ADK: variants seen among roughly 807,000 people sequenced by gnomAD.
ADK encodes adenosine kinase.
ADK carries 24 observed loss-of-function variants against 44.7 expected under a neutral mutation model. The observed-to-expected ratio is 0.54, with a 90% confidence interval of 0.39 to 0.76. The LOEUF is 0.76. Among genes scored for constraint, ADK ranks in the 30% least tolerant of loss-of-function variants. The pLI, the probability that ADK is intolerant of heterozygous loss-of-function variation, is 0.00. For synonymous variants in ADK, 128 were observed against 142.6 expected (o/e 0.90, Z 0.73); for missense variants, 321 against 425.1 (o/e 0.76, Z 2.15).
chr10:74,460,110 C>T (rs1564734654), intron 6 of ADK, among the ~76,000 whole-genome samples: 1 of 152,142 alleles, frequency 6.6e-6, no homozygotes. Flanking sequence ...TTCTCGGCTC[C>T]AAGATGTGAA....
At chr10:74,221,317 T>C (rs1362697204) in intron 2 of ADK, among the ~76,000 whole-genome samples, 1 of 150,330 alleles carries the variant, frequency 6.7e-6, no homozygotes, top group Non-Finnish European at 1.5e-5. Context: ...TTACAAGGGA[T>C]GTGAAGGACC....
chr10:74,209,379 G>T (rs1843724972), intron 2 of ADK, among the ~76,000 whole-genome samples: 1 of 152,076 alleles, frequency 6.6e-6, no homozygotes, highest in African/African-American at 2.4e-5. Context: ...CCAGGAATGT[G>T]AGAAATATAT....
chr10:74,426,672 G>A (rs1322334259), intron 6 of ADK, among the ~76,000 whole-genome samples: 1 of 152,122 alleles, frequency 6.6e-6, no homozygotes, highest in African/African-American at 2.4e-5. Flanking sequence ...TCTTGGCATA[G>A]TTTCAACTTT....
At chr10:74,682,046 G>T (rs931808176) in intron 10 of ADK, among the ~76,000 whole-genome samples, 3 of 152,080 alleles carry the variant, frequency 2.0e-5, no homozygotes, top group Non-Finnish European at 4.4e-5. Context: ...CACATCAAAA[G>T]ATCACACATT....
chr10:74,430,761 TGAA>T (rs574928227), intron 6 of ADK, among the ~76,000 whole-genome samples: 68 of 151,462 alleles, frequency 4.5e-4, no homozygotes, highest in African/African-American at 1.6e-3. Flanking sequence ...CTGAAGGAAG[TGAA>T]GAAAAAAGCC....
At chr10:74,698,681 T>C (rs1228448628) in intron 10 of ADK, among the ~76,000 whole-genome samples, 1 of 151,862 alleles carries the variant, frequency 6.6e-6, no homozygotes, top group Non-Finnish European at 1.5e-5. Context: ...GCCTCCTGAG[T>C]AAGTAGCTGA....
chr10:74,672,601 AT>A (rs1302175215), intron 10 of ADK, among the ~76,000 whole-genome samples: 26 of 152,176 alleles, frequency 1.7e-4, no homozygotes, highest in Admixed American at 5.2e-4. Flanking sequence ...GGGTAATCAG[AT>A]CCCAAAACAC....
chr10:74,508,120 C>T (rs953010287), intron 6 of ADK, among the ~76,000 whole-genome samples: 5 of 152,058 alleles, frequency 3.3e-5, no homozygotes, highest in African/African-American at 1.2e-4. Context: ...TCGTGGAGCA[C>T]TTTGAATGCT....
intron 3 of ADK, among the ~76,000 whole-genome samples, chr10:74,295,788 A>AT (rs759794197): frequency 1.7e-3 from 259 of 151,464 alleles, no homozygotes; most frequent in Middle Eastern, 3.4e-3. Context: ...GGCTTTTTAG[A>AT]TTTTTTTTCA....
chr10:74,291,528 A>G (rs1847436296), intron 3 of ADK, among the ~76,000 whole-genome samples: 1 of 152,192 alleles, frequency 6.6e-6, no homozygotes, highest in Non-Finnish European at 1.5e-5. Context: ...GTTATAGGTA[A>G]GTGGAAAGCA....
At chr10:74,506,311 C>G in intron 6 of ADK, 1 of 268,166 alleles carries the variant, frequency 3.7e-6, no homozygotes, top group Non-Finnish European at 7.5e-6. Flanking sequence ...GCAACCACAG[C>G]TGCAGACCTC....
chr10:74,187,348 C>A (rs1437801256), intron 1 of ADK, among the ~76,000 whole-genome samples: 1 of 152,100 alleles, frequency 6.6e-6, no homozygotes, highest in East Asian at 1.9e-4. Context: ...CTATTATGAA[C>A]AATGGTGCTA....
chr10:74,503,840 A>G (rs555193477), intron 6 of ADK, among the ~76,000 whole-genome samples: 3 of 152,246 alleles, frequency 2.0e-5, no homozygotes, highest in East Asian at 1.9e-4. Context: ...AGGCACAGGC[A>G]ATTTTTTACT....
intron 3 of ADK, among the ~76,000 whole-genome samples, chr10:74,256,345 T>C (rs1164075323): frequency 2.0e-5 from 3 of 152,326 alleles, no homozygotes; most frequent in Admixed American, 6.5e-5. Context: ...GTTATATGTT[T>C]AGCAGATTTG....
At chr10:74,300,681 A>G (rs1840000456) in intron 3 of ADK, among the ~76,000 whole-genome samples, 1 of 152,226 alleles carries the variant, frequency 6.6e-6, no homozygotes, top group Middle Eastern at 3.4e-3. Context: ...GGCAGCCTTT[A>G]TATGGTTTCT....
chr10:74,488,676 C>G (rs1847361547), intron 6 of ADK, among the ~76,000 whole-genome samples: 1 of 151,098 alleles, frequency 6.6e-6, no homozygotes, highest in Non-Finnish European at 1.5e-5. Flanking sequence ...ATGGAGACAT[C>G]TAAATTGTTT....
intron 7 of ADK, among the ~76,000 whole-genome samples, chr10:74,574,592 T>A (rs1589262585): frequency 6.6e-6 from 1 of 152,236 alleles, no homozygotes; most frequent in African/African-American, 2.4e-5. Context: ...AATACAACTG[T>A]AATTAAAGAT....
Position 74,502,487 on chromosome 10 carries a change from G to T in ADK, c.556-22769G>T, listed in dbSNP as rs539878792. 2.0e-5 allele frequency among the ~76,000 whole-genome samples: 3 copies of T among 152,054 alleles called. No individual in the cohort carries two copies. The East Asian group carries it at 5.8e-4, about 29-fold the overall frequency. ...TTTAAATGTAGTCTACATTGGCCTG[G>T]CTTATGAACTGCAACCTTCTATGAT... On this transcript the variant is annotated intron_variant, in intron 6 of 10. Transcript: ENST00000539909.
rs1207399012 is a variant in ADK at position 74,491,788 on chromosome 10, T to TTG, written c.556-33456_556-33455dup. Among the ~76,000 whole-genome samples, 12 of 152,024 alleles carry TTG rather than the reference T, an allele frequency of 7.9e-5. No individual in the cohort carries two copies. In the East Asian group the frequency reaches 1.5e-3, roughly 20 times the overall value. ...GTTTACTTATTTAAATTCTTTGAAT[T>TTG]TGTGTGTGTGTGTTGCTTTCCCCCC... On this transcript the variant is annotated intron_variant, in intron 6 of 10. Transcript: ENST00000539909.
Sources: gnomAD v4.1 joint callset for allele counts (sites outside exome capture counted in the v4.1 genomes callset) on GRCh38, gnomAD v4.1.1 for gene constraint, MANE v1.5 for transcripts, NCBI Gene and HGNC (gene_info 2026-07-23, HGNC 2026-07-21) for gene names.